Variants in GSE1 observed in about 807,000 individuals in gnomAD.
The protein encoded by GSE1 is Gse1 coiled-coil protein, also known as genetic suppressor element 1.
Under a neutral mutation model 112.6 loss-of-function variants are expected in GSE1, and 32 were observed. The ratio of observed to expected loss-of-function variants is 0.28; its 90% CI spans 0.21 to 0.38. The LOEUF (loss-of-function observed/expected upper bound fraction) is 0.38, where lower values mean the gene tolerates loss of function less well. Ranked by LOEUF, GSE1 falls within the 10% of genes least tolerant of loss-of-function variation. The pLI is 1.00. For synonymous variants in GSE1, 1,115 were observed against 735.6 expected (o/e 1.52, Z -8.35); for missense variants, 2,348 against 1,699.2 (o/e 1.38, Z -6.71).
At chr16:85,177,389 G>C (rs2074488987) in intron 1 of GSE1, among the ~76,000 whole-genome samples, 1 of 152,202 alleles carries the variant, frequency 6.6e-6, no homozygotes, top group Non-Finnish European at 1.5e-5. Flanking sequence ...CTTCTAGTGG[G>C]GACACTGAAG....
intron 2 of GSE1, among the ~76,000 whole-genome samples, chr16:85,527,035 G>C (rs529919095): frequency 6.6e-6 from 1 of 152,350 alleles, no homozygotes; most frequent in Non-Finnish European, 1.5e-5. Context: ...GCAGGGATTT[G>C]GGGAGGGGGT....
chr16:85,662,454 G>A (rs562038392), intron 9 of GSE1: 1 of 154,192 alleles, frequency 6.5e-6, no homozygotes, highest in Admixed American at 6.5e-5. Context: ...CTGGTTGTTG[G>A]TCTAGGCTGG....
chr16:85,326,695 G>A, intron 1 of GSE1, among the ~76,000 whole-genome samples: 1 of 152,148 alleles, frequency 6.6e-6, no homozygotes, highest in African/African-American at 2.4e-5. Flanking sequence ...CCTCAGTCTC[G>A]GATATTTCGC....
chr16:85,248,353 T>G (rs1291674389), intron 1 of GSE1, among the ~76,000 whole-genome samples: 1 of 152,154 alleles, frequency 6.6e-6, no homozygotes, highest in Non-Finnish European at 1.5e-5. Context: ...AGTAGCTCTG[T>G]CTTTCTCTCT....
Position 85,291,577 on chromosome 16 carries a change from C to T in GSE1, c.2284-65886C>T, listed in dbSNP as rs892984978. Among the ~76,000 whole-genome samples, 8 of 152,330 alleles carry T rather than the reference C, an allele frequency of 5.3e-5. No homozygotes were observed. In the East Asian group the frequency reaches 9.7e-4, roughly 18 times the overall value. On this transcript the variant is annotated intron_variant, in intron 1 of 2. Coordinates refer to the GSE1 transcript ENST00000637419. ...CCACAGGGCTCAGGGCCGGCTTGTG[C>T]GCAGTGTGTGGCCACCGCCTGGTAA...
At chr16:85,186,855 G>A (rs760686856) in intron 1 of GSE1, among the ~76,000 whole-genome samples, 4 of 152,248 alleles carry the variant, frequency 2.6e-5, no homozygotes, top group Non-Finnish European at 4.4e-5. Context: ...TGGTGATAAA[G>A]AAATAGCAGC....
chr16:85,261,333 C>G (rs115140021), intron 1 of GSE1, among the ~76,000 whole-genome samples: 1 of 152,248 alleles, frequency 6.6e-6, no homozygotes. Context: ...GACTCTGCCT[C>G]GGTGCCTCAG....
intron 8 of GSE1, among the ~76,000 whole-genome samples, chr16:85,658,481 C>T (rs923588539): frequency 1.3e-5 from 2 of 152,214 alleles, no homozygotes; most frequent in South Asian, 2.1e-4. Flanking sequence ...GGATAAGAAA[C>T]CCTTGGGCTC....
intron 1 of GSE1, among the ~76,000 whole-genome samples, chr16:85,627,877 T>C (rs1380289483): frequency 6.6e-6 from 1 of 152,222 alleles, no homozygotes; most frequent in Non-Finnish European, 1.5e-5. Context: ...CCGCCATCCC[T>C]GTGTCCCCCA....
At chr16:85,376,918 G>A (rs918030879) in intron 2 of GSE1, among the ~76,000 whole-genome samples, 3 of 152,350 alleles carry the variant, frequency 2.0e-5, no homozygotes, top group South Asian at 2.1e-4. Context: ...ACCCGGCCCC[G>A]CGTTACCCGA....
At chr16:85,630,818 A>G (rs1471059509) in intron 1 of GSE1, among the ~76,000 whole-genome samples, 3 of 152,036 alleles carry the variant, frequency 2.0e-5, no homozygotes, top group South Asian at 2.1e-4. Flanking sequence ...AGCTTAGGTC[A>G]TCTCCTGGTC....
chr16:85,204,695 G>T (rs1658392733), intron 1 of GSE1, among the ~76,000 whole-genome samples: 1 of 152,234 alleles, frequency 6.6e-6, no homozygotes, highest in African/African-American at 2.4e-5. Context: ...CTCTCCCCCA[G>T]GGAGAATGAC....
chr16:85,297,723 C>G (rs1048152566), intron 1 of GSE1, among the ~76,000 whole-genome samples: 1 of 152,194 alleles, frequency 6.6e-6, no homozygotes, highest in East Asian at 1.9e-4. Context: ...TGTTGCCCAG[C>G]TGATCTCAAA....
At chr16:85,595,982 A>C (rs2151457966) in intron 1 of GSE1, among the ~76,000 whole-genome samples, 1 of 60,610 alleles carries the variant, frequency 1.6e-5, no homozygotes, top group Admixed American at 2.2e-4. Flanking sequence ...CTATCCACCC[A>C]CTCATTCCTC....
intron 1 of GSE1, among the ~76,000 whole-genome samples, chr16:85,353,225 G>T (rs191127787): frequency 6.6e-6 from 1 of 152,144 alleles, no homozygotes; most frequent in African/African-American, 2.4e-5. Context: ...GGACTCGACC[G>T]GGGAAGAACC....
chr16:85,426,013 A>G (rs1446948262), intron 2 of GSE1, among the ~76,000 whole-genome samples: 3 of 72,138 alleles, frequency 4.2e-5, no homozygotes, highest in Non-Finnish European at 7.7e-5. Flanking sequence ...CCACTCTCTA[A>G]GAATGAATGG....
At chr16:85,563,804 T>C (rs1377750155) in intron 1 of GSE1, among the ~76,000 whole-genome samples, 2 of 152,204 alleles carry the variant, frequency 1.3e-5, no homozygotes, top group African/African-American at 4.8e-5. Flanking sequence ...CCCTCCCTTC[T>C]CTGGATTTGG....
At chr16:85,623,394 T>TA (rs2048863201) in intron 1 of GSE1, among the ~76,000 whole-genome samples, 1 of 152,096 alleles carries the variant, frequency 6.6e-6, no homozygotes. Flanking sequence ...TGTCCAATCA[T>TA]TTGCACCCTC....
At chr16:85,453,588 G>GT (rs2049743952) in intron 2 of GSE1, among the ~76,000 whole-genome samples, 1 of 152,104 alleles carries the variant, frequency 6.6e-6, no homozygotes, top group Non-Finnish European at 1.5e-5. Context: ...AGCCCCAGCT[G>GT]TTGAGGGCAG....
Sources: allele counts gnomAD v4.1 joint callset (sites outside exome capture counted in the v4.1 genomes callset), GRCh38; gene constraint gnomAD v4.1.1; transcripts MANE v1.5; gene names NCBI Gene and HGNC (gene_info 2026-07-23, HGNC 2026-07-21).